Variants in SLC44A5 observed in about 807,000 individuals in gnomAD.
SLC44A5 encodes choline transporter-like protein 5.
Under a neutral mutation model 101.8 loss-of-function variants are expected in SLC44A5, and 57 were observed. The observed-to-expected ratio is 0.56, with a 90% CI of 0.45 to 0.70. The LOEUF is 0.70. SLC44A5 is among the 30% of genes least tolerant of loss of function. The pLI, the probability that SLC44A5 is intolerant of heterozygous loss-of-function variation, is 0.00. For synonymous variants in SLC44A5, 281 were observed against 290.9 expected (o/e 0.97, Z 0.35); for missense variants, 737 against 853.1 (o/e 0.86, Z 1.70).
rs921842483 is a variant in SLC44A5 at position 75,219,649 on chromosome 1, G to C, written c.1178+151C>G. The C allele has an allele frequency of 4.8e-6, 3 of 622,354 alleles. No homozygotes were observed. The African/African-American group carries it at 5.6e-5, about 12-fold the overall frequency. The allele number at this position is 622,354 out of a possible 1,614,324, so 38.6% of individuals were successfully genotyped here. On this transcript the variant is annotated intron_variant, in intron 15 of 23. Transcript: ENST00000370859. The stretch of plus-strand genomic sequence containing the variant: ...TATTTGAGGGGAAATTCAATCGGTA[G>C]ATTGAAACGTTTTTAGAGCTTGGGA...
At chr1:75,283,665 A>G (rs946777584) in intron 5 of SLC44A5, among the ~76,000 whole-genome samples, 13 of 151,982 alleles carry the variant, frequency 8.6e-5, no homozygotes. Flanking sequence ...TCTTCAGTTG[A>G]TTTTTGTATA....
At chr1:75,291,881 G>A (rs988324120) in intron 5 of SLC44A5, among the ~76,000 whole-genome samples, 2 of 151,744 alleles carry the variant, frequency 1.3e-5, no homozygotes, top group Admixed American at 6.6e-5. Context: ...GCGTGGTGGC[G>A]GGCACCTGTA....
At chr1:75,610,041 T>C (rs774009096) in intron 1 of SLC44A5, among the ~76,000 whole-genome samples, 2 of 151,644 alleles carry the variant, frequency 1.3e-5, no homozygotes, top group Non-Finnish European at 2.9e-5. Flanking sequence ...CCAAGATAGA[T>C]CACTCACATA....
chr1:75,486,928 A>T (rs560498789), intron 2 of SLC44A5, among the ~76,000 whole-genome samples: 1 of 152,346 alleles, frequency 6.6e-6, no homozygotes, highest in South Asian at 2.1e-4. Context: ...GAAATTAGAC[A>T]GTGGTTGAAT....
the SLC44A5 span, among the ~76,000 whole-genome samples, chr1:75,658,265 G>T: frequency 6.6e-6 from 1 of 151,824 alleles, no homozygotes; most frequent in Non-Finnish European, 1.5e-5. Context: ...TTGTAGAGAT[G>T]GGGTTTCACC....
intron 4 of SLC44A5, among the ~76,000 whole-genome samples, chr1:75,302,379 AG>A: frequency 6.6e-6 from 1 of 152,236 alleles, no homozygotes; most frequent in Non-Finnish European, 1.5e-5. Flanking sequence ...CATAACTACC[AG>A]GAAGCTGGAG....
chr1:75,609,047 C>T (rs1365585479), intron 1 of SLC44A5, among the ~76,000 whole-genome samples: 2 of 151,684 alleles, frequency 1.3e-5, no homozygotes, highest in African/African-American at 4.8e-5. Context: ...TAGAATAGTG[C>T]CCAGTACATA....
intron 2 of SLC44A5, among the ~76,000 whole-genome samples, chr1:75,478,983 T>C (rs571298110): frequency 1.7e-4 from 26 of 152,280 alleles, no homozygotes; most frequent in African/African-American, 5.3e-4. Flanking sequence ...TATTCCAAAA[T>C]TGACCGCATA....
the SLC44A5 span, among the ~76,000 whole-genome samples, chr1:75,637,773 G>A: frequency 6.6e-6 from 1 of 151,856 alleles, no homozygotes. Flanking sequence ...GAGTGGAGAA[G>A]ACAAATTAAA....
At chr1:75,718,375 G>A in the SLC44A5 span, among the ~76,000 whole-genome samples, 12 of 152,238 alleles carry the variant, frequency 7.9e-5, no homozygotes, top group African/African-American at 2.6e-4. Flanking sequence ...TCATAGCAAA[G>A]GCCTGTGAGC....
chr1:75,593,453 G>A (rs1302919933), intron 1 of SLC44A5, among the ~76,000 whole-genome samples: 1 of 151,968 alleles, frequency 6.6e-6, no homozygotes, highest in East Asian at 1.9e-4. Flanking sequence ...TAAAAGTTGA[G>A]CTACTATATG....
chr1:75,377,029 TGAA>T (rs1660675670), intron 3 of SLC44A5, among the ~76,000 whole-genome samples: 2 of 152,266 alleles, frequency 1.3e-5, no homozygotes, highest in South Asian at 4.1e-4. Flanking sequence ...ACGTGAAGAA[TGAA>T]GAAGCCTCAG....
At chr1:75,683,311 G>A in the SLC44A5 span, among the ~76,000 whole-genome samples, 1 of 152,180 alleles carries the variant, frequency 6.6e-6, no homozygotes, top group Non-Finnish European at 1.5e-5. Context: ...GCATACGTAT[G>A]TTTATTGCGG....
intron 1 of SLC44A5, among the ~76,000 whole-genome samples, chr1:75,567,549 T>C (rs1242626346): frequency 6.6e-6 from 1 of 152,100 alleles, no homozygotes; most frequent in African/African-American, 2.4e-5. Flanking sequence ...TATTGTTGGA[T>C]AACAAAAGAA....
rs188163153 is a variant in SLC44A5, at chr1:75,280,888, T to G, written c.176-5846A>C. ...TGTGAATCAATTAAACCTCTTTCCT[T>G]TGTAAATTACACAGTCTCAGGTGTG... On this transcript the variant is annotated intron_variant, in intron 5 of 23. Transcript: ENST00000370859. Among the ~76,000 whole-genome samples, 338 of 151,312 alleles carry G rather than the reference T, an allele frequency of 2.2e-3. 2 individuals are homozygous for G. Among genetic ancestry groups the G allele is most frequent in the African/African-American group, 7.9e-3 (327 of 41,268 alleles).
rs150279049 is a variant in SLC44A5, at chr1:75,423,577, G to A, written c.14-26956C>T. Among the ~76,000 whole-genome samples the A allele has an allele frequency of 3.3e-4, 50 of 152,214 alleles. No individual in the cohort carries two copies. The South Asian group carries it at 6.4e-3, about 20-fold the overall frequency. On this transcript the variant is annotated intron_variant, in intron 2 of 23. Coordinates refer to ENST00000370859, the MANE Select transcript of SLC44A5 (RefSeq NM_001130058.2). ...CATCATATTTTGCTATTTTACTATC[G>A]TTCTATTAAAGATTGGAGAAGCAGA...
intron 1 of SLC44A5, among the ~76,000 whole-genome samples, chr1:75,551,167 C>G (rs1671916980): frequency 6.6e-6 from 1 of 152,060 alleles, no homozygotes; most frequent in Non-Finnish European, 1.5e-5. Flanking sequence ...GATGCTTAGC[C>G]CACCCAAAAG....
chr1:75,536,038 G>A (rs80022107), intron 2 of SLC44A5, among the ~76,000 whole-genome samples: 3,488 of 142,390 alleles, frequency 0.024, 144 homozygotes, highest in African/African-American at 0.089. Context: ...GCAAGACTTC[G>A]TCTCTTGAAA....
At chr1:75,253,543 T>C (rs1168723998) in intron 6 of SLC44A5, among the ~76,000 whole-genome samples, 1 of 152,220 alleles carries the variant, frequency 6.6e-6, no homozygotes, top group East Asian at 1.9e-4. Flanking sequence ...CTTTGAGATC[T>C]ACAAGTGCTA....
Sources: gnomAD v4.1 joint callset for allele counts (sites outside exome capture counted in the v4.1 genomes callset) on GRCh38, gnomAD v4.1.1 for gene constraint, MANE v1.5 for transcripts, NCBI Gene and HGNC (gene_info 2026-07-23, HGNC 2026-07-21) for gene names.